NAA11: variants seen among roughly 807,000 people sequenced by gnomAD.
The protein encoded by NAA11 is N-alpha-acetyltransferase 11.
In NAA11, 15 loss-of-function variants were observed where a neutral mutation model predicts 16.1. The observed-to-expected ratio is 0.93, with a 90% CI of 0.62 to 1.44. The LOEUF (loss-of-function observed/expected upper bound fraction) is 1.44. Ranked by LOEUF, NAA11 falls within the 40% of genes most tolerant of loss-of-function variation. The pLI is 0.00. For missense variants in NAA11, 298 were observed against 291.3 expected, an observed-to-expected ratio of 1.02 and a Z score of -0.17; for synonymous variants, 122 against 112.4, an observed-to-expected ratio of 1.09 and a Z score of -0.54.
chr4:79,281,313 C>A (rs1232513362), intron 2 of NAA11, among the ~76,000 whole-genome samples: 1 of 151,200 alleles, frequency 6.6e-6, no homozygotes, highest in Non-Finnish European at 1.5e-5. Context: ...AGTAAAGAAT[C>A]CAACTGTAGA....
chr4:79,249,956 T>G (rs959392654), intron 2 of NAA11, among the ~76,000 whole-genome samples: 2 of 152,224 alleles, frequency 1.3e-5, no homozygotes, highest in African/African-American at 4.8e-5. Flanking sequence ...GCATTGGGAC[T>G]GACTAGGTGA....
intron 2 of NAA11, among the ~76,000 whole-genome samples, chr4:79,256,669 T>TATATATATATATATATATATATATATATA (rs1560427608): frequency 6.8e-6 from 1 of 146,872 alleles, no homozygotes; most frequent in African/African-American, 2.5e-5. Flanking sequence ...TATATATATA[T>TATATATATATATATATATATATATATATA]TGACACGAGG....
At chr4:79,191,030 C>T in the NAA11 span, among the ~76,000 whole-genome samples, 2 of 152,172 alleles carry the variant, frequency 1.3e-5, no homozygotes, top group African/African-American at 4.8e-5. Context: ...GCATAGTATT[C>T]CATGGTGTAT....
At chr4:79,295,023 A>C (rs1201234371) in intron 1 of NAA11, among the ~76,000 whole-genome samples, 1 of 152,192 alleles carries the variant, frequency 6.6e-6, no homozygotes, top group Non-Finnish European at 1.5e-5. Flanking sequence ...CTACTTTGAG[A>C]ATTATTTTTG....
intron 1 of NAA11, among the ~76,000 whole-genome samples, chr4:79,296,131 T>C (rs1306289062): frequency 6.6e-6 from 1 of 152,204 alleles, no homozygotes; most frequent in Non-Finnish European, 1.5e-5. Flanking sequence ...GAAGTGGAAG[T>C]AGAAGTAGCA....
At chr4:79,201,706 T>C in the NAA11 span, among the ~76,000 whole-genome samples, 1 of 151,706 alleles carries the variant, frequency 6.6e-6, no homozygotes, top group African/African-American at 2.4e-5. Context: ...CCTGTAAATA[T>C]TCCATGTGAG....
downstream of NAA11, among the ~76,000 whole-genome samples, chr4:79,225,109 T>G (rs779298911): frequency 6.4e-4 from 97 of 152,100 alleles, no homozygotes; most frequent in Non-Finnish European, 1.1e-3. Context: ...TAGCTAATAT[T>G]ATATCAATAT....
the NAA11 span, among the ~76,000 whole-genome samples, chr4:79,169,749 C>T: frequency 6.6e-6 from 1 of 152,104 alleles, no homozygotes. Context: ...TTTTAAACAA[C>T]CAGATCTCAT....
At chr4:79,187,981 A>G in the NAA11 span, among the ~76,000 whole-genome samples, 6 of 143,196 alleles carry the variant, frequency 4.2e-5, no homozygotes, top group Non-Finnish European at 7.6e-5. Context: ...CCTGGGCGAC[A>G]GAGTGAGACT....
At chr4:79,256,633 C>CATATATATATATATAAATAT (rs1486193149) in intron 2 of NAA11, among the ~76,000 whole-genome samples, 2 of 109,590 alleles carry the variant, frequency 1.8e-5, no homozygotes, top group African/African-American at 6.3e-5. Context: ...TAAAATGAAC[C>CATATATATATATATAAATAT]ATATATATAT....
intron 1 of NAA11, among the ~76,000 whole-genome samples, chr4:79,321,258 A>G (rs1232035554): frequency 6.6e-6 from 1 of 152,190 alleles, no homozygotes; most frequent in Non-Finnish European, 1.5e-5. Flanking sequence ...AGTCCAGAGC[A>G]CCACTAGGAT....
At chr4:79,159,207 G>C in the NAA11 span, among the ~76,000 whole-genome samples, 45 of 152,240 alleles carry the variant, frequency 3.0e-4, no homozygotes, top group East Asian at 4.4e-3. Flanking sequence ...GCACTAATAT[G>C]CAGAATCTAC....
chr4:79,212,118 T>C, the NAA11 span, among the ~76,000 whole-genome samples: 7 of 152,198 alleles, frequency 4.6e-5, no homozygotes, highest in African/African-American at 1.7e-4. Context: ...CTTAACTGTT[T>C]TGAATGAAAC....
the NAA11 span, among the ~76,000 whole-genome samples, chr4:79,162,617 A>G: frequency 1.3e-5 from 2 of 152,214 alleles, no homozygotes; most frequent in South Asian, 2.1e-4. Flanking sequence ...CTTTAGTCAC[A>G]GTCTATGGCA....
the NAA11 span, among the ~76,000 whole-genome samples, chr4:79,170,979 C>A: frequency 3.9e-5 from 6 of 152,054 alleles, no homozygotes; most frequent in Admixed American, 3.9e-4. Context: ...ATGAAAGATT[C>A]TTTTAGAGTT....
intron 2 of NAA11, among the ~76,000 whole-genome samples, chr4:79,240,067 G>A (rs1470046375): frequency 6.6e-6 from 1 of 152,108 alleles, no homozygotes; most frequent in Admixed American, 6.5e-5. Context: ...AAAGGGGGAA[G>A]GTATTTGTCT....
chr4:79,174,423 G>A, the NAA11 span, among the ~76,000 whole-genome samples: 3 of 152,040 alleles, frequency 2.0e-5, no homozygotes, highest in African/African-American at 4.8e-5. Flanking sequence ...TTGAAAGCCC[G>A]TGTACAGGAT....
At chr4:79,307,922 A>G (rs575030611) in intron 1 of NAA11, among the ~76,000 whole-genome samples, 1 of 152,354 alleles carries the variant, frequency 6.6e-6, no homozygotes, top group East Asian at 1.9e-4. Context: ...GTATGGACCA[A>G]GTTTCCATAT....
At chr4:79,254,895 A>G (rs1722073995) in intron 2 of NAA11, among the ~76,000 whole-genome samples, 1 of 152,116 alleles carries the variant, frequency 6.6e-6, no homozygotes, top group African/African-American at 2.4e-5. Context: ...ATAAGTTGGT[A>G]TTATTATCAG....
Sources: gnomAD v4.1 joint callset for allele counts (sites outside exome capture counted in the v4.1 genomes callset) on GRCh38, gnomAD v4.1.1 for gene constraint, MANE v1.5 for transcripts, NCBI Gene and HGNC (gene_info 2026-07-23, HGNC 2026-07-21) for gene names.